ASIC2: variants seen among roughly 807,000 people sequenced by gnomAD.
ASIC2 encodes the protein acid sensing ion channel subunit 2, also known as acid-sensing ion channel 2.
In ASIC2, 25 loss-of-function variants were observed where a neutral mutation model predicts 57.3. That is an observed-to-expected ratio of 0.44 (90% confidence interval 0.32 to 0.61). The LOEUF (loss-of-function observed/expected upper bound fraction) is 0.61, where lower values mean the gene tolerates loss of function less well. ASIC2 is among the 20% of genes least tolerant of loss of function. The pLI, the probability that ASIC2 is intolerant of heterozygous loss-of-function variation, is 0.06. For missense variants in ASIC2, 641 were observed against 738.1 expected (o/e 0.87, Z 1.52); for synonymous variants, 319 against 307.5 (o/e 1.04, Z -0.39).
intron 1 of ASIC2, among the ~76,000 whole-genome samples, chr17:33,649,006 TA>T: frequency 6.6e-6 from 1 of 152,290 alleles, no homozygotes; most frequent in East Asian, 1.9e-4. Context: ...GATGTGGAAG[TA>T]AAGATATCCA....
chr17:33,085,290 A>G (rs1163178115), intron 3 of ASIC2, among the ~76,000 whole-genome samples: 4 of 152,226 alleles, frequency 2.6e-5, no homozygotes, highest in Non-Finnish European at 4.4e-5. Context: ...AAGATGCACC[A>G]TGATTTTATG....
intron 1 of ASIC2, among the ~76,000 whole-genome samples, chr17:33,814,700 C>T (rs951540881): frequency 3.9e-5 from 6 of 152,140 alleles, no homozygotes; most frequent in African/African-American, 1.4e-4. Context: ...TTGGGATTTG[C>T]GTGTGAGTGG....
At chr17:33,467,511 A>G (rs1011819513) in intron 1 of ASIC2, among the ~76,000 whole-genome samples, 1 of 151,892 alleles carries the variant, frequency 6.6e-6, no homozygotes, top group Non-Finnish European at 1.5e-5. Flanking sequence ...GCCTCATTAT[A>G]CCCTCCTCCC....
At chr17:33,748,187 G>A (rs1041925454) in intron 1 of ASIC2, among the ~76,000 whole-genome samples, 3 of 152,182 alleles carry the variant, frequency 2.0e-5, no homozygotes, top group Non-Finnish European at 2.9e-5. Context: ...TGCCCTCCTA[G>A]CCACCTGCCT....
At chr17:33,119,911 G>A (rs2092294792) in intron 1 of ASIC2, among the ~76,000 whole-genome samples, 1 of 152,178 alleles carries the variant, frequency 6.6e-6, no homozygotes, top group Admixed American at 6.5e-5. Flanking sequence ...TTTTTCTGGG[G>A]AGAAAGGGAA....
chr17:33,371,642 T>C (rs1184707094), intron 1 of ASIC2, among the ~76,000 whole-genome samples: 1 of 152,120 alleles, frequency 6.6e-6, no homozygotes. Context: ...AGCAGAGGAA[T>C]TCAAACGATG....
At chr17:33,885,814 A>C (rs1260002097) in intron 1 of ASIC2, among the ~76,000 whole-genome samples, 1 of 152,214 alleles carries the variant, frequency 6.6e-6, no homozygotes, top group African/African-American at 2.4e-5. Context: ...GCACTCTGGA[A>C]GCATCTCAAT....
At chr17:33,203,319 T>A (rs1906948449) in intron 1 of ASIC2, among the ~76,000 whole-genome samples, 1 of 152,210 alleles carries the variant, frequency 6.6e-6, no homozygotes, top group African/African-American at 2.4e-5. Context: ...CAAAGCTTAT[T>A]TTTTTAGGCA....
intron 3 of ASIC2, among the ~76,000 whole-genome samples, chr17:33,053,390 T>C (rs1412270976): frequency 6.6e-6 from 1 of 152,222 alleles, no homozygotes; most frequent in African/African-American, 2.4e-5. Flanking sequence ...AAAATTATTC[T>C]TTTTGGGAGT....
chr17:33,474,370 C>T (rs1415600523), intron 1 of ASIC2, among the ~76,000 whole-genome samples: 3 of 151,952 alleles, frequency 2.0e-5, no homozygotes, highest in South Asian at 4.2e-4. Flanking sequence ...CCTTGCATCC[C>T]CCCGCCAAAG....
At position 33,694,931 on chromosome 17, in the gene ASIC2, C is replaced by T. The variant is rs571213714; in HGVS notation, c.555+461047G>A. Reference sequence around the variant, plus strand: ...CTCAGCAAATAGAATGGCTGCCCCACGCTGCCTACATGATTTCCTCAGCAC... The same window carrying T: ...CTCAGCAAATAGAATGGCTGCCCCATGCTGCCTACATGATTTCCTCAGCAC... On this transcript the variant is annotated intron_variant, in intron 1 of 9. Coordinates refer to the ASIC2 transcript ENST00000359872. Among the ~76,000 whole-genome samples, 8 of 152,328 alleles carry T rather than the reference C, an allele frequency of 5.3e-5. No individual in the cohort carries two copies. In the East Asian group the frequency reaches 1.4e-3, roughly 26 times the overall value.
At chr17:34,041,976 G>A (rs926495137) in intron 1 of ASIC2, among the ~76,000 whole-genome samples, 1 of 152,166 alleles carries the variant, frequency 6.6e-6, no homozygotes, top group Non-Finnish European at 1.5e-5. Flanking sequence ...TCAAAAGACA[G>A]GAAAATTTGC....
chr17:33,492,119 G>A (rs1452239090), intron 1 of ASIC2, among the ~76,000 whole-genome samples: 1 of 152,204 alleles, frequency 6.6e-6, no homozygotes, highest in Non-Finnish European at 1.5e-5. Flanking sequence ...GCTAGAAGTT[G>A]CAATACCCGT....
intron 3 of ASIC2, among the ~76,000 whole-genome samples, chr17:33,038,774 G>C (rs1051319776): frequency 5.9e-5 from 9 of 152,206 alleles, no homozygotes; most frequent in Admixed American, 1.3e-4. Context: ...CCCTTAACCT[G>C]CCTGGGGACA....
intron 3 of ASIC2, among the ~76,000 whole-genome samples, chr17:33,063,810 A>G (rs534081091): frequency 6.6e-6 from 1 of 151,988 alleles, no homozygotes; most frequent in East Asian, 1.9e-4. Flanking sequence ...TCAGACGTAG[A>G]TTTGGTCTTT....
intron 1 of ASIC2, among the ~76,000 whole-genome samples, chr17:33,392,345 C>G (rs1230648717): frequency 1.3e-5 from 2 of 151,948 alleles, no homozygotes; most frequent in East Asian, 3.9e-4. Context: ...ACTGCAACCT[C>G]CACCATCTAC....
At chr17:34,074,221 A>G (rs1303752156) in intron 1 of ASIC2, among the ~76,000 whole-genome samples, 1 of 152,204 alleles carries the variant, frequency 6.6e-6, no homozygotes, top group Non-Finnish European at 1.5e-5. Flanking sequence ...TACACACTGT[A>G]TTTTGAGAAC....
chr17:33,233,807 C>A (rs949873023), intron 1 of ASIC2, among the ~76,000 whole-genome samples: 1 of 152,210 alleles, frequency 6.6e-6, no homozygotes, highest in African/African-American at 2.4e-5. Context: ...TAAACAGACA[C>A]ACACACAGAT....
At chr17:33,810,758 G>A (rs918437017) in intron 1 of ASIC2, among the ~76,000 whole-genome samples, 1 of 152,130 alleles carries the variant, frequency 6.6e-6, no homozygotes, top group Non-Finnish European at 1.5e-5. Flanking sequence ...AAGGAAAGAT[G>A]AATGTTTTTA....
Sources: gnomAD v4.1 joint callset for allele counts (sites outside exome capture counted in the v4.1 genomes callset) on GRCh38, gnomAD v4.1.1 for gene constraint, MANE v1.5 for transcripts, NCBI Gene and HGNC (gene_info 2026-07-23, HGNC 2026-07-21) for gene names.